The following TCP11L2 variants were observed in gnomAD, a reference collection of about 807,000 sequenced individuals.
TCP11L2 encodes the protein t-complex 11 like 2, also known as T-complex protein 11-like protein 2.
A neutral mutation model predicts 50.7 loss-of-function variants in TCP11L2; 39 were observed. The observed-to-expected ratio is 0.77, with a 90% CI of 0.60 to 1.01. The LOEUF is 1.01. Among genes scored for constraint, TCP11L2 ranks in the 50% least tolerant of loss-of-function variants. The pLI is 0.00. For synonymous variants in TCP11L2, 192 were observed against 219.3 expected, an observed-to-expected ratio of 0.88 and a Z score of 1.10; for missense variants, 612 against 614.7, an observed-to-expected ratio of 1.00 and a Z score of 0.05.
At position 106,335,820 on chromosome 12, in the gene TCP11L2, A is replaced by G; in HGVS notation, c.954A>G (p.Leu318=). Reference sequence around the variant, plus strand: ...AGTGGGATTATCAGAAAAAAGAATTACCAGAGGTGAGTGGTTTTGTTCTTC... The same window carrying G: ...AGTGGGATTATCAGAAAAAAGAATTGCCAGAGGTGAGTGGTTTTGTTCTTC... ...LLQWDYQKKE[L]PETLMTDGAR... The change falls in exon 7 of 10, where the codon TTA becomes TTG. Residue 318 remains leucine (L), a synonymous_variant. Transcript: ENST00000299045. The G allele has an allele frequency of 6.2e-7, 1 of 1,612,780 alleles. No homozygotes were observed. Among genetic ancestry groups the G allele is most frequent in the Non-Finnish European group, 8.5e-7 (1 of 1,179,630 alleles).
At chr12:106,314,241 C>G in intron 2 of TCP11L2, 117 bp from the exon 3 acceptor site, 1 of 1,061,590 alleles carries the variant, frequency 9.4e-7, no homozygotes, top group Non-Finnish European at 1.3e-6. Context: ...AGTCTCCTGA[C>G]CTATAAAACT....
intron 4 of TCP11L2, 47 bp downstream of exon 4, chr12:106,318,511 G>C (rs766724238): frequency 6.2e-7 from 1 of 1,606,382 alleles, no homozygotes; most frequent in African/African-American, 1.3e-5. Context: ...ACTCCAGGTG[G>C]GCTGCTATAA....
Position 106,323,779 on chromosome 12 carries a change from A to T in TCP11L2, c.772+133A>T, listed in dbSNP as rs151203894. The T allele has an allele frequency of 9.9e-4, 473 of 476,610 alleles. 5 individuals are homozygous for T. Among genetic ancestry groups the T allele is most frequent in the African/African-American group, 8.9e-3 (435 of 49,062 alleles). The allele number at this position is 476,610 out of a possible 1,614,324, so 29.5% of individuals were successfully genotyped here. A position where few individuals can be genotyped will look rare whatever the true frequency, so the allele number is the denominator to read the frequency against. On this transcript the variant is annotated intron_variant, in intron 6 of 9. Coordinates refer to ENST00000299045, the MANE Select transcript of TCP11L2 (RefSeq NM_152772.3). ...ATAAAATTTAATTTAATTTAAATTA[A>T]TTAAAATTTAAAATGTTAAAGGTTA...
At chr12:106,345,862 A>G (rs1323201817) in intron 9 of TCP11L2, among the ~76,000 whole-genome samples, 1 of 152,166 alleles carries the variant, frequency 6.6e-6, no homozygotes, top group African/African-American at 2.4e-5. Context: ...AGGTGTTTGA[A>G]TGCTGGTTGG....
intron 6 of TCP11L2, among the ~76,000 whole-genome samples, chr12:106,328,532 A>G (rs757626686): frequency 2.6e-5 from 4 of 152,230 alleles, no homozygotes; most frequent in African/African-American, 7.2e-5. Context: ...CGACAGAGCA[A>G]GTGTCTGTCT....
At chr12:106,335,488 C>T in intron 6 of TCP11L2, 151 bp from the exon 7 acceptor site, 2 of 666,502 alleles carry the variant, frequency 3.0e-6, no homozygotes, top group East Asian at 2.7e-5. Flanking sequence ...GTTTACAGGT[C>T]TGCCTTTCCA....
rs766592224 is a variant in TCP11L2, at chr12:106,326,817, T to G, written c.772+3171T>G. The stretch of plus-strand genomic sequence containing the variant: ...GGATCTCTCACATCATCTGGCAGAT[T>G]ATTTAGTCATCTGGATAGCCAGTTA... On this transcript the variant is annotated intron_variant, in intron 6 of 9. Coordinates refer to ENST00000299045, the MANE Select transcript of TCP11L2 (RefSeq NM_152772.3). 2.8e-4 allele frequency among the ~76,000 whole-genome samples: 42 copies of G among 152,200 alleles called. 1 individual carries two copies. Among genetic ancestry groups the G allele is most frequent in the Non-Finnish European group, 3.1e-4 (21 of 68,026 alleles).
upstream of TCP11L2, among the ~76,000 whole-genome samples, chr12:106,298,708 A>G (rs2136563663): frequency 6.6e-6 from 1 of 151,918 alleles, no homozygotes; most frequent in South Asian, 2.1e-4. Context: ...TTTTTAGTAG[A>G]GATGAGGTTT....
At chr12:106,341,518 T>TC (rs1253583854) in intron 9 of TCP11L2, among the ~76,000 whole-genome samples, 1 of 152,226 alleles carries the variant, frequency 6.6e-6, no homozygotes, top group East Asian at 1.9e-4. Flanking sequence ...TAGGACTTTT[T>TC]CTGCTACCTG....
At chr12:106,305,550 G>A (rs1477862277) in intron 1 of TCP11L2, among the ~76,000 whole-genome samples, 1 of 152,176 alleles carries the variant, frequency 6.6e-6, no homozygotes, top group Non-Finnish European at 1.5e-5. Context: ...GGGAATATGA[G>A]TAATGTGAGT....
upstream of TCP11L2, among the ~76,000 whole-genome samples, chr12:106,301,545 G>A (rs1245859076): frequency 6.6e-6 from 1 of 152,230 alleles, no homozygotes; most frequent in Non-Finnish European, 1.5e-5. Flanking sequence ...TTTCTACCCT[G>A]CTTTAAAATG....
intron 6 of TCP11L2, among the ~76,000 whole-genome samples, chr12:106,334,522 T>C (rs956095165): frequency 1.3e-5 from 2 of 152,186 alleles, no homozygotes; most frequent in African/African-American, 4.8e-5. Flanking sequence ...TCACTTCCAC[T>C]GCCCTTATCC....
rs367633840 is a variant in TCP11L2, at chr12:106,319,060, C to T, written c.414+596C>T. On this transcript the variant is annotated intron_variant, in intron 4 of 9. Transcript: ENST00000299045. ...CCGAGTAGCTGGGACTACAGGCGCC[C>T]GCCACCGCGCCCAGCTAATTTTTTG... Among the ~76,000 whole-genome samples the T allele has an allele frequency of 5.1e-4, 77 of 152,168 alleles. 4 individuals carry two copies. The South Asian group carries it at 0.013, about 27-fold the overall frequency.
rs1401961584 is a variant in TCP11L2 at position 106,321,500 on chromosome 12, T to C, written c.429T>C (p.Phe143=). The C allele has an allele frequency of 1.2e-6, 2 of 1,613,806 alleles. No individual in the cohort carries two copies. Among genetic ancestry groups the C allele is most frequent in the Non-Finnish European group, 1.7e-6 (2 of 1,179,790 alleles). ...FEEIREILLS[F]LTPGGNRLRN... ...TTTCCCTGTAGATTCTTCTCTCTTT[T>C]CTCACTCCCGGTGGCAACCGGCTTC... Residue 143 remains phenylalanine (F), a synonymous_variant, in exon 5 of 10, where the codon TTT becomes TTC. Coordinates refer to ENST00000299045, the MANE Select transcript of TCP11L2 (RefSeq NM_152772.3).
chr12:106,321,651 C>G lies in TCP11L2; in HGVS notation c.580C>G (p.Arg194Gly). The change falls in exon 5 of 10, where the codon CGA becomes GGA. Residue 194 changes from arginine to glycine, a missense_variant. By Grantham distance (125) the Arg-to-Gly change is moderately radical (BLOSUM62 -2). Coordinates refer to ENST00000299045, the MANE Select transcript of TCP11L2 (RefSeq NM_152772.3). ...STMGKLCAPV[R>G]DNDIRELKAT... ...GATGGGAAAGCTGTGTGCTCCCGTG[C>G]GAGATAATGATATCAGAGAGTTAAA... 1 of 1,614,120 alleles carries G rather than the reference C, an allele frequency of 6.2e-7. No individual in the cohort carries two copies. Among genetic ancestry groups the G allele is most frequent in the South Asian group, 1.1e-5 (1 of 91,076 alleles).
At position 106,346,376 on chromosome 12, in the gene TCP11L2, T is replaced by C. The variant is rs904672293; in HGVS notation, c.1406T>C (p.Ile469Thr). 6.2e-7 allele frequency: 1 copy of C among 1,614,088 alleles called. No homozygotes were observed. Among genetic ancestry groups the C allele is most frequent in the Non-Finnish European group, 8.5e-7 (1 of 1,180,028 alleles). The change falls in exon 10 of 10, where the codon ATT becomes ACT. Residue 469 changes from isoleucine (I) to threonine (T), a missense_variant. Ile to Thr is a moderately conservative substitution (Grantham distance 89). Transcript: ENST00000299045. ...MPPMPGGLAV[I>T]QQELEALGSQ... is the part of the protein sequence containing the mutation. The stretch of plus-strand genomic sequence containing the variant: ...CCTATGCCAGGAGGCCTAGCTGTCA[T>C]TCAGCAGGAGCTAGAAGCCCTAGGC...
chr12:106,336,709 C>T (rs1006476022), intron 8 of TCP11L2, among the ~76,000 whole-genome samples: 7 of 152,100 alleles, frequency 4.6e-5, no homozygotes, highest in South Asian at 2.1e-4. Context: ...TGCGCCGCCA[C>T]GCCCAGCTAA....
At chr12:106,304,910 G>A (rs1007185664) in intron 1 of TCP11L2, among the ~76,000 whole-genome samples, 3 of 152,132 alleles carry the variant, frequency 2.0e-5, no homozygotes, top group Non-Finnish European at 4.4e-5. Flanking sequence ...TTTGGGTGAC[G>A]TACTCCTTCA....
intron 8 of TCP11L2, among the ~76,000 whole-genome samples, chr12:106,338,137 G>T (rs1373165672): frequency 6.6e-6 from 1 of 152,176 alleles, no homozygotes; most frequent in African/African-American, 2.4e-5. Context: ...GCTGAAAGAG[G>T]ATTTATTGAT....
Sources: allele counts gnomAD v4.1 joint callset (sites outside exome capture counted in the v4.1 genomes callset), GRCh38; gene constraint gnomAD v4.1.1; transcripts MANE v1.5; gene names NCBI Gene and HGNC (gene_info 2026-07-23, HGNC 2026-07-21).